NRL: variants seen among roughly 807,000 people sequenced by gnomAD.
The protein encoded by NRL is neural retina leucine zipper.
NRL carries 16 observed loss-of-function variants against 12.5 expected under a neutral mutation model. The ratio of observed to expected loss-of-function variants is 1.28; its 90% CI spans 0.87 to 1.95. The LOEUF is 1.95. Ranked by LOEUF, NRL falls within the 30% of genes most tolerant of loss-of-function variation. NRL has a pLI of 0.00. For missense variants in NRL, 314 were observed against 325.8 expected (o/e 0.96, Z 0.28); for synonymous variants, 142 against 150.9 (o/e 0.94, Z 0.43).
chr14:24,106,180 G>A (rs1056049552), intron 1 of NRL, among the ~76,000 whole-genome samples: 3 of 152,218 alleles, frequency 2.0e-5, no homozygotes, highest in African/African-American at 7.2e-5. Context: ...ATCAGCTTAG[G>A]ATAACTTCTG....
intron 1 of NRL, among the ~76,000 whole-genome samples, chr14:24,088,844 C>T (rs1304521383): frequency 2.4e-4 from 35 of 143,852 alleles, no homozygotes; most frequent in Non-Finnish European, 4.5e-4. Flanking sequence ...CTTGCTCTGT[C>T]CCCCAGGCTG....
intron 1 of NRL, chr14:24,098,580 G>A (rs755045133): frequency 1.5e-5 from 24 of 1,614,014 alleles, no homozygotes; most frequent in East Asian, 1.3e-4. Flanking sequence ...GCAAGCATGC[G>A]TATTATGACC....
At chr14:24,086,968 A>C (rs925219886) in intron 1 of NRL, among the ~76,000 whole-genome samples, 4 of 152,220 alleles carry the variant, frequency 2.6e-5, no homozygotes, top group African/African-American at 9.6e-5. Context: ...AGCAGAGCCC[A>C]TCTCCCATAT....
At chr14:24,101,237 TC>T (rs778435872) in intron 1 of NRL, among the ~76,000 whole-genome samples, 1 of 152,226 alleles carries the variant, frequency 6.6e-6, no homozygotes, top group Non-Finnish European at 1.5e-5. Context: ...GGGCATCTTG[TC>T]CCCAGCTTCA....
chr14:24,094,216 G>A lies in NRL; in HGVS notation c.-27-11341C>T, dbSNP rs796492173. 3.4e-6 allele frequency: 2 copies of A among 584,242 alleles called. No individual in the cohort carries two copies. The allele number at this position is 584,242 out of a possible 1,614,324, so 36.2% of individuals were successfully genotyped here. ...GCCCCGGGGCCGAGGGAGCTGGCCT[G>A]CCAGCGGGGCGGAGGAAAGCTAGTG... On this transcript the variant is annotated intron_variant, in intron 1 of 2. Transcript: ENST00000561028. This position sits in a 1 kb window ranked among gnomAD's most constrained non-coding sequence, Gnocchi z 4.1.
chr14:24,099,971 CCTTT>C (rs2037090597), intron 1 of NRL: 2 of 1,614,072 alleles, frequency 1.2e-6, no homozygotes, highest in Admixed American at 1.7e-5. Flanking sequence ...TTTGGTCCTT[CCTTT>C]CTTTCACTTC....
At chr14:24,084,523 A>G in intron 1 of NRL, 1 of 985,414 alleles carries the variant, frequency 1.0e-6, no homozygotes, top group South Asian at 4.7e-5. Context: ...TACTCACTTC[A>G]GAAATGGCCG....
intron 1 of NRL, among the ~76,000 whole-genome samples, chr14:24,089,780 C>T (rs910908864): frequency 6.6e-6 from 1 of 152,120 alleles, no homozygotes; most frequent in Non-Finnish European, 1.5e-5. Flanking sequence ...CATGCTAAAC[C>T]AAGACTGGTC....
intron 1 of NRL, chr14:24,103,531 C>A: frequency 1.3e-6 from 2 of 1,558,634 alleles, no homozygotes; most frequent in Non-Finnish European, 1.7e-6. Context: ...ATGCACGACC[C>A]ATTTGCCATG....
intron 1 of NRL, among the ~76,000 whole-genome samples, chr14:24,090,864 T>C (rs977123192): frequency 1.3e-5 from 2 of 152,202 alleles, no homozygotes; most frequent in African/African-American, 2.4e-5. Flanking sequence ...AAGAAAGTAA[T>C]GGTGGGGAAG....
intron 2 of NRL, among the ~76,000 whole-genome samples, 170 bp downstream of exon 2, chr14:24,082,298 A>C (rs548135184): frequency 5.3e-5 from 8 of 152,312 alleles, no homozygotes; most frequent in African/African-American, 1.9e-4. Context: ...AAGGGGGAGA[A>C]GCAGAATGTA....
chr14:24,088,240 A>T (rs543364891), intron 1 of NRL, among the ~76,000 whole-genome samples: 66 of 151,958 alleles, frequency 4.3e-4, no homozygotes, highest in Non-Finnish European at 9.3e-4. Flanking sequence ...GCCCAAGCCC[A>T]CTCCTAGGGC....
In NRL at chr14:24,081,862, C is replaced by T; in HGVS notation, c.382-294G>A. On this transcript the variant is annotated intron_variant, in intron 2 of 2. Coordinates refer to ENST00000561028, the MANE Select transcript of NRL (RefSeq NM_001354768.3). This position sits in a 1 kb window ranked among gnomAD's most constrained non-coding sequence, Gnocchi z 4.4. ...TAAACCCCGGGCTCGTCTCTGGGAT[C>T]CCCGGCATCCAGCTCCAGGCCCGGG... is the stretch of plus-strand genomic sequence containing the variant. 7.3e-7 allele frequency: 1 copy of T among 1,368,726 alleles called. No homozygotes were observed. 84.8% of individuals were successfully genotyped at this position (1,368,726 alleles called of 1,614,324 possible). A position where few individuals can be genotyped will look rare whatever the true frequency, so the allele number is the denominator to read the frequency against.
chr14:24,079,821 C>G lies in NRL; in HGVS notation c.*1415G>C, dbSNP rs62000824. On this transcript the variant is annotated 3_prime_UTR_variant, in exon 3 of 3. Coordinates refer to ENST00000561028, the MANE Select transcript of NRL (RefSeq NM_001354768.3). ...GAGGCCCCATCTGCCCTCCCCTTAG[C>G]CTGCTGAACTGGAGGACTGGGTTAC... 0.18 allele frequency among the ~76,000 whole-genome samples: 27,840 copies of G among 152,136 alleles called. 2,659 individuals are homozygous for G. The highest frequency in any genetic ancestry group is 0.21 in the African/African-American group (8,915 of 41,498).
rs753234641 is a variant in NRL at position 24,099,841 on chromosome 14, A to G, written c.-28+14881T>C. Reference sequence around the variant, plus strand: ...TTTCCTGAACACCCAACCCTGCTCCATTCCTCTGGCAGCCCAGCCACCCGA... The same window carrying G: ...TTTCCTGAACACCCAACCCTGCTCCGTTCCTCTGGCAGCCCAGCCACCCGA... On this transcript the variant is annotated intron_variant, in intron 1 of 2. Transcript: ENST00000561028. 99 of 1,527,624 alleles carry G rather than the reference A, an allele frequency of 6.5e-5. No individual in the cohort carries two copies. In the Admixed American group the frequency reaches 1.3e-3, roughly 20 times the overall value. 94.6% of individuals were successfully genotyped at this position (1,527,624 alleles called of 1,614,324 possible). A position where few individuals can be genotyped will look rare whatever the true frequency, so the allele number is the denominator to read the frequency against.
intron 1 of NRL, among the ~76,000 whole-genome samples, chr14:24,105,054 A>G (rs1277845123): frequency 6.6e-6 from 1 of 152,206 alleles, no homozygotes; most frequent in Admixed American, 6.5e-5. Context: ...TCGAACAGAG[A>G]TTTACCCACG....
At chr14:24,096,414 T>G (rs1180640752) in intron 1 of NRL, among the ~76,000 whole-genome samples, 1 of 152,008 alleles carries the variant, frequency 6.6e-6, no homozygotes, top group Admixed American at 6.6e-5. Flanking sequence ...AATTTTTATA[T>G]TTTTAGTAGA....
chr14:24,086,839 C>T (rs1321542981), intron 1 of NRL, among the ~76,000 whole-genome samples: 1 of 152,186 alleles, frequency 6.6e-6, no homozygotes, highest in Non-Finnish European at 1.5e-5. Context: ...GGGCTCAGAC[C>T]AGGCACCACT....
At chr14:24,103,541 G>C in intron 1 of NRL, 2 of 1,563,666 alleles carry the variant, frequency 1.3e-6, no homozygotes, top group Non-Finnish European at 8.7e-7. Context: ...CATTTGCCAT[G>C]CGGCCCTTTT....
Sources: gnomAD v4.1 joint callset for allele counts (sites outside exome capture counted in the v4.1 genomes callset) on GRCh38, gnomAD v4.1.1 for gene constraint, Gnocchi (gnomAD v3.1) non-coding constraint, MANE v1.5 for transcripts, NCBI Gene and HGNC (gene_info 2026-07-23, HGNC 2026-07-21) for gene names.